Variants in RUVBL1 observed in about 807,000 individuals in gnomAD.
RUVBL1 encodes RuvB like AAA ATPase 1.
In RUVBL1, 4 loss-of-function variants were observed where a neutral mutation model predicts 52.4. The ratio of observed to expected loss-of-function variants is 0.08; its 90% CI spans 0.04 to 0.17. The LOEUF is 0.17. RUVBL1 is among the 10% of genes least tolerant of loss of function. The probability of loss-of-function intolerance (pLI) is 1.00; values close to 1 mark genes in which losing one functional copy is unlikely to be tolerated. For missense variants in RUVBL1, 298 were observed against 572.8 expected (o/e 0.52, Z 4.90); for synonymous variants, 217 against 214.4 (o/e 1.01, Z -0.10).
chr3:128,137,459 T>C (rs1943964552), intron 1 of RUVBL1, among the ~76,000 whole-genome samples: 1 of 152,164 alleles, frequency 6.6e-6, no homozygotes, highest in African/African-American at 2.4e-5. Context: ...GATAAGTTCT[T>C]GACATATACA....
downstream of RUVBL1, among the ~76,000 whole-genome samples, chr3:128,078,339 T>A (rs1346428215): frequency 6.6e-6 from 1 of 152,244 alleles, no homozygotes; most frequent in African/African-American, 2.4e-5. Context: ...CCCTAAGACA[T>A]GTGGCAGTAA....
intron 2 of RUVBL1, among the ~76,000 whole-genome samples, chr3:128,113,700 T>C (rs1460795822): frequency 6.6e-6 from 1 of 152,236 alleles, no homozygotes; most frequent in East Asian, 1.9e-4. Context: ...GATTTGTGGT[T>C]GGCAGAATCC....
chr3:128,103,960 A>G (rs553160346), intron 4 of RUVBL1, among the ~76,000 whole-genome samples: 82 of 152,370 alleles, frequency 5.4e-4, no homozygotes, highest in African/African-American at 1.8e-3. Context: ...GGCTCTCACG[A>G]TAACATTAAC....
intron 1 of RUVBL1, among the ~76,000 whole-genome samples, chr3:128,136,905 A>G (rs970360211): frequency 2.0e-4 from 30 of 152,208 alleles, no homozygotes; most frequent in African/African-American, 7.0e-4. Flanking sequence ...CACCACATAT[A>G]GAAAGCAAAT....
intron 1 of RUVBL1, among the ~76,000 whole-genome samples, chr3:128,146,233 A>G (rs975278660): frequency 6.6e-6 from 1 of 152,206 alleles, no homozygotes; most frequent in African/African-American, 2.4e-5. Context: ...GGCTGGAGCC[A>G]GAAGAAAACA....
rs1390406751 is a variant in RUVBL1, at chr3:128,081,627, A to G, written c.1212-218T>C. 9 of 538,640 alleles carry G rather than the reference A, an allele frequency of 1.7e-5. No homozygotes were observed. The highest frequency in any genetic ancestry group is 1.6e-4 in the South Asian group (6 of 38,040). The allele number at this position is 538,640 out of a possible 1,614,324, so 33.4% of individuals were successfully genotyped here. The stretch of plus-strand genomic sequence containing the variant: ...AGGGTCCAGGAGCCACCAAGAAGAC[A>G]TAAGTGCTATTCCCCAAATCTTTAG... On this transcript the variant is annotated intron_variant, in intron 10 of 10. Coordinates refer to ENST00000322623, the MANE Select transcript of RUVBL1 (RefSeq NM_003707.3). The surrounding 1 kb of genome is among the most constrained non-coding windows in gnomAD (Gnocchi z 4.8).
At chr3:128,133,152 C>T (rs1385520120) in intron 1 of RUVBL1, among the ~76,000 whole-genome samples, 3 of 152,080 alleles carry the variant, frequency 2.0e-5, no homozygotes, top group Non-Finnish European at 4.4e-5. Flanking sequence ...GAGAGTTCTT[C>T]TGCATGAGGA....
chr3:128,095,801 G>A (rs1364781117), intron 8 of RUVBL1, among the ~76,000 whole-genome samples: 3 of 151,950 alleles, frequency 2.0e-5, no homozygotes, highest in Admixed American at 6.6e-5. Context: ...GTGGGAGTGC[G>A]ATAGCTATTC....
intron 3 of RUVBL1, among the ~76,000 whole-genome samples, chr3:128,105,859 CTTTTT>C (rs57290736): frequency 0.03 from 4,168 of 138,106 alleles, 216 homozygotes; most frequent in African/African-American, 0.1. Flanking sequence ...CTTTCTTTCC[CTTTTT>C]CTTTTTTTTT....
At chr3:128,142,296 G>C (rs1944037006) in intron 1 of RUVBL1, among the ~76,000 whole-genome samples, 1 of 152,214 alleles carries the variant, frequency 6.6e-6, no homozygotes, top group Non-Finnish European at 1.5e-5. Context: ...GATGAATGCA[G>C]CTGGTCTGAC....
intron 8 of RUVBL1, among the ~76,000 whole-genome samples, chr3:128,088,448 A>G (rs1942722996): frequency 6.7e-6 from 1 of 148,672 alleles, no homozygotes; most frequent in Non-Finnish European, 1.5e-5. Flanking sequence ...TATAGTATAT[A>G]CTAATTATAC....
rs945630032 is a variant in RUVBL1 at position 128,081,587 on chromosome 3, A to C, written c.1212-178T>G. 8 of 641,740 alleles carry C rather than the reference A, an allele frequency of 1.2e-5. No homozygotes were observed. In the African/African-American group the frequency reaches 1.5e-4, roughly 12 times the overall value. The allele number at this position is 641,740 out of a possible 1,614,324, so 39.8% of individuals were successfully genotyped here. On this transcript the variant is annotated intron_variant, in intron 10 of 10. Coordinates refer to ENST00000322623, the MANE Select transcript of RUVBL1 (RefSeq NM_003707.3). The surrounding 1 kb of genome is among the most constrained non-coding windows in gnomAD (Gnocchi z 4.8). ...TGTCACTTCTCAGAGAGCTGCAGTC[A>C]TTATCCCATCAGAGAGGGTCCAGGA...
At chr3:128,153,187 C>T (rs1388580491) in intron 1 of RUVBL1, 2 of 1,267,112 alleles carry the variant, frequency 1.6e-6, no homozygotes, top group Non-Finnish European at 2.0e-6. Context: ...GAAAAGTTCT[C>T]CAAGTCTCCA....
intron 1 of RUVBL1, among the ~76,000 whole-genome samples, chr3:128,134,698 G>A (rs1006146298): frequency 5.9e-5 from 9 of 152,060 alleles, no homozygotes; most frequent in African/African-American, 1.9e-4. Context: ...CTACTTGGGA[G>A]GCTGAAGTGA....
intron 3 of RUVBL1, among the ~76,000 whole-genome samples, 187 bp from the exon 4 acceptor site, chr3:128,105,111 CTTTTTT>C (rs34719630): frequency 7.5e-6 from 1 of 134,056 alleles, no homozygotes. Context: ...AGAAATGCAA[CTTTTTT>C]TTTTTTTTTT....
intron 8 of RUVBL1, among the ~76,000 whole-genome samples, chr3:128,092,457 TA>T: frequency 6.6e-6 from 1 of 151,790 alleles, no homozygotes; most frequent in African/African-American, 2.4e-5. Flanking sequence ...ATATAAATGA[TA>T]AAGATCTAGT....
In RUVBL1 at chr3:128,101,555, T is replaced by C; in HGVS notation, c.603+4A>G. 1 of 1,613,042 alleles carries C rather than the reference T, an allele frequency of 6.2e-7. No homozygotes were observed. Among genetic ancestry groups the C allele is most frequent in the Non-Finnish European group, 8.5e-7 (1 of 1,179,122 alleles). ...ACAATGCTGTGTCCCAAGGAAGGCA[T>C]TACCTTCACGGCCCCACTGTTGGCT... On this transcript the variant is annotated splice_donor_region_variant and intron_variant, in intron 5 of 10. Transcript: ENST00000322623.
At chr3:128,073,913 T>C (rs1942238974) in intron 9 of RUVBL1, among the ~76,000 whole-genome samples, 1 of 152,204 alleles carries the variant, frequency 6.6e-6, no homozygotes, top group Admixed American at 6.5e-5. Context: ...ACATTCTTTA[T>C]ATGTTGAGTT....
chr3:128,089,455 A>G (rs1942762733), intron 8 of RUVBL1, among the ~76,000 whole-genome samples: 1 of 152,282 alleles, frequency 6.6e-6, no homozygotes, highest in Non-Finnish European at 1.5e-5. Flanking sequence ...ATAAGTAATC[A>G]ATATAACAAA....
Sources: gnomAD v4.1 joint callset for allele counts (sites outside exome capture counted in the v4.1 genomes callset) on GRCh38, gnomAD v4.1.1 for gene constraint, Gnocchi (gnomAD v3.1) non-coding constraint, MANE v1.5 for transcripts, NCBI Gene and HGNC (gene_info 2026-07-23, HGNC 2026-07-21) for gene names.